The following DOK6 variants were observed in gnomAD, a reference collection of about 807,000 sequenced individuals.
DOK6 encodes downstream of tyrosine kinase 6.
In DOK6, 22 loss-of-function variants were observed where a neutral mutation model predicts 44.0. The ratio of observed to expected loss-of-function variants is 0.50; its 90% CI spans 0.36 to 0.71. The LOEUF is 0.71. DOK6 is among the 30% of genes least tolerant of loss of function. The probability of loss-of-function intolerance (pLI) is 0.00; values close to 1 mark genes in which losing one functional copy is unlikely to be tolerated. For missense variants in DOK6, 340 were observed against 416.4 expected, an observed-to-expected ratio of 0.82 and a Z score of 1.60; for synonymous variants, 166 against 145.5, an observed-to-expected ratio of 1.14 and a Z score of -1.01.
At chr18:69,527,034 C>G (rs1981849756) in intron 1 of DOK6, among the ~76,000 whole-genome samples, 1 of 152,162 alleles carries the variant, frequency 6.6e-6, no homozygotes, top group South Asian at 2.1e-4. Flanking sequence ...CATCCACCAC[C>G]CATTGCTTGT....
intron 3 of DOK6, among the ~76,000 whole-genome samples, chr18:69,669,236 G>C (rs1288050350): frequency 6.6e-6 from 1 of 152,058 alleles, no homozygotes; most frequent in Non-Finnish European, 1.5e-5. Context: ...GTAATTTTTT[G>C]ATCCTCTCCC....
chr18:69,403,042 G>C (rs1429392503), intron 1 of DOK6, among the ~76,000 whole-genome samples: 1 of 152,142 alleles, frequency 6.6e-6, no homozygotes, highest in African/African-American at 2.4e-5. Flanking sequence ...TTTGCTTTAC[G>C]ACTGGATGCT....
intron 5 of DOK6, among the ~76,000 whole-genome samples, chr18:69,732,450 T>C (rs1019907099): frequency 9.9e-5 from 15 of 152,178 alleles, no homozygotes; most frequent in Non-Finnish European, 2.2e-4. Flanking sequence ...CATGGTGGGT[T>C]TTTTTGATTC....
rs139329327 is a variant in DOK6 at position 69,651,161 on chromosome 18, G to A, written c.290-26573G>A. Reference sequence around the variant, plus strand: ...ACGAAGCATACAGACATCTGTGCCCGTCCTCCCCACTTGAGCCTCCTGTAA... The same window carrying A: ...ACGAAGCATACAGACATCTGTGCCCATCCTCCCCACTTGAGCCTCCTGTAA... On this transcript the variant is annotated intron_variant, in intron 3 of 7. Coordinates refer to ENST00000382713, the MANE Select transcript of DOK6 (RefSeq NM_152721.6). Among the ~76,000 whole-genome samples, 381 of 152,120 alleles carry A rather than the reference G, an allele frequency of 2.5e-3. 1 individual carries two copies. The highest frequency in any genetic ancestry group is 0.014 in the Middle Eastern group (4 of 294).
In DOK6 at chr18:69,555,658, G is replaced by A. The variant is rs116176168; in HGVS notation, c.67-8829G>A. 5.9e-3 allele frequency among the ~76,000 whole-genome samples: 901 copies of A among 152,214 alleles called. 8 individuals carry two copies. The highest frequency in any genetic ancestry group is 0.02 in the African/African-American group (839 of 41,534). ...TTGGTCTTGGCATTCTATTTAGCAA[G>A]TCTTCCCATCTTGTTACTCAATCTT... On this transcript the variant is annotated intron_variant, in intron 1 of 7. Coordinates refer to ENST00000382713, the MANE Select transcript of DOK6 (RefSeq NM_152721.6).
intron 4 of DOK6, among the ~76,000 whole-genome samples, chr18:69,681,886 T>C (rs1986053437): frequency 6.6e-6 from 1 of 152,226 alleles, no homozygotes; most frequent in Admixed American, 6.5e-5. Context: ...ACACAAAGGA[T>C]AGGTCCAATT....
At chr18:69,786,555 T>G (rs992275728) in intron 7 of DOK6, among the ~76,000 whole-genome samples, 2 of 152,212 alleles carry the variant, frequency 1.3e-5, no homozygotes, top group Admixed American at 6.5e-5. Context: ...CCTCAGAACT[T>G]AAACACAAGA....
intron 5 of DOK6, among the ~76,000 whole-genome samples, chr18:69,709,503 G>A (rs543193001): frequency 6.6e-6 from 1 of 152,072 alleles, no homozygotes; most frequent in Non-Finnish European, 1.5e-5. Flanking sequence ...TCTAGGAGGA[G>A]GGTCAAAATT....
intron 3 of DOK6, among the ~76,000 whole-genome samples, chr18:69,627,219 C>T (rs1384750124): frequency 6.6e-6 from 1 of 152,010 alleles, no homozygotes; most frequent in Admixed American, 6.6e-5. Flanking sequence ...AACAAACAAA[C>T]AAAAAAGACT....
intron 6 of DOK6, among the ~76,000 whole-genome samples, chr18:69,757,287 T>TAA (rs149866184): frequency 6.6e-6 from 1 of 151,530 alleles, no homozygotes; most frequent in Non-Finnish European, 1.5e-5. Context: ...TTGAAATGGG[T>TAA]AAAAAAAAAT....
At chr18:69,817,185 G>T (rs1981424773) in intron 7 of DOK6, among the ~76,000 whole-genome samples, 1 of 151,832 alleles carries the variant, frequency 6.6e-6, no homozygotes, top group Non-Finnish European at 1.5e-5. Flanking sequence ...TACAACTATG[G>T]CAGCTGTTCA....
At chr18:69,627,697 C>T (rs1175880939) in intron 3 of DOK6, among the ~76,000 whole-genome samples, 1 of 152,140 alleles carries the variant, frequency 6.6e-6, no homozygotes, top group African/African-American at 2.4e-5. Flanking sequence ...GATCCGCCCG[C>T]CTCGGCCTCC....
chr18:69,608,871 A>T (rs1984065031), intron 3 of DOK6, among the ~76,000 whole-genome samples: 2 of 141,522 alleles, frequency 1.4e-5, no homozygotes, highest in Non-Finnish European at 3.0e-5. Flanking sequence ...AATCGCTTCA[A>T]CCCGGGAGGT....
At chr18:69,514,969 A>G (rs4318305) in intron 1 of DOK6, among the ~76,000 whole-genome samples, 146,810 of 152,092 alleles carry the variant, frequency 0.97, 71,053 homozygotes, top group East Asian at 1. Flanking sequence ...CAGATGACAC[A>G]GTGGACAATT....
intron 1 of DOK6, among the ~76,000 whole-genome samples, chr18:69,559,515 T>C (rs988424750): frequency 3.9e-5 from 6 of 152,178 alleles, no homozygotes; most frequent in African/African-American, 1.4e-4. Flanking sequence ...TTTGCAGATA[T>C]CTTTTTCTGT....
chr18:69,786,578 A>G (rs1340907848), intron 7 of DOK6, among the ~76,000 whole-genome samples: 1 of 152,222 alleles, frequency 6.6e-6, no homozygotes, highest in Non-Finnish European at 1.5e-5. Context: ...ATCTTGCACA[A>G]TGAAGTGTTA....
chr18:69,841,184 G>A, intron 7 of DOK6, 60 bp from the exon 8 acceptor site: 1 of 1,597,830 alleles, frequency 6.3e-7, no homozygotes, highest in Non-Finnish European at 8.6e-7. Flanking sequence ...ATGATAGATA[G>A]TGTATCTTTT....
intron 3 of DOK6, among the ~76,000 whole-genome samples, chr18:69,607,072 G>A (rs1256615470): frequency 1.3e-5 from 2 of 152,186 alleles, no homozygotes; most frequent in Non-Finnish European, 2.9e-5. Context: ...AAGAGGCAAT[G>A]TGATTAGCCC....
At chr18:69,403,984 T>C (rs1916150612) in intron 1 of DOK6, among the ~76,000 whole-genome samples, 1 of 152,230 alleles carries the variant, frequency 6.6e-6, no homozygotes, top group South Asian at 2.1e-4. Flanking sequence ...CAAAACTAAA[T>C]TTCAAAATAT....
Sources: gnomAD v4.1 joint callset for allele counts (sites outside exome capture counted in the v4.1 genomes callset) on GRCh38, gnomAD v4.1.1 for gene constraint, MANE v1.5 for transcripts, NCBI Gene and HGNC (gene_info 2026-07-23, HGNC 2026-07-21) for gene names.